CFLAR: variants seen among roughly 807,000 people sequenced by gnomAD.
The protein encoded by CFLAR is CASP8 and FADD-like apoptosis regulator.
A neutral mutation model predicts 51.1 loss-of-function variants in CFLAR; 14 were observed. That is an observed-to-expected ratio of 0.27 (90% CI 0.18 to 0.43). The LOEUF (loss-of-function observed/expected upper bound fraction) is 0.43, where lower values mean the gene tolerates loss of function less well. CFLAR is among the 20% of genes least tolerant of loss of function. The pLI is 1.00. For synonymous variants in CFLAR, 210 were observed against 211.6 expected (o/e 0.99, Z 0.06); for missense variants, 390 against 566.5 (o/e 0.69, Z 3.16).
intron 1 of CFLAR, among the ~76,000 whole-genome samples, chr2:201,120,897 G>GT (rs560317430): frequency 6.8e-4 from 104 of 152,282 alleles, no homozygotes; most frequent in Middle Eastern, 3.4e-3. Flanking sequence ...ATACTATCTA[G>GT]TGAGTGAACC....
At position 201,145,360 on chromosome 2, in the gene CFLAR, TA is replaced by T. The variant is rs1467654681; in HGVS notation, c.607-17del. On this transcript the variant is annotated splice_polypyrimidine_tract_variant and intron_variant, in intron 5 of 9. Transcript: ENST00000309955. ...AAATAACTAACAGGAAGTATGACCT[TA>T]TTCTTTGTATTTGAAGCTCCATAAT... 1 of 1,532,742 alleles carries T rather than the reference TA, an allele frequency of 6.5e-7. No homozygotes were observed. Among genetic ancestry groups the T allele is most frequent in the African/African-American group, 1.4e-5 (1 of 72,904 alleles). 94.9% of individuals were successfully genotyped at this position (1,532,742 alleles called of 1,614,324 possible).
intron 6 of CFLAR, chr2:201,146,761 C>G (rs1940273615): frequency 6.6e-6 from 1 of 152,232 alleles, no homozygotes; most frequent in African/African-American, 2.4e-5. Context: ...GGTGGGACAT[C>G]ATGAATGTTT....
intron 1 of CFLAR, among the ~76,000 whole-genome samples, chr2:201,126,028 G>A (rs554732953): frequency 6.6e-6 from 1 of 151,644 alleles, no homozygotes. Flanking sequence ...TGTAGCATGC[G>A]CTGTCTGATT....
In CFLAR at chr2:201,135,965, C is replaced by G; in HGVS notation, c.388-7C>G. On this transcript the variant is annotated splice_region_variant and splice_polypyrimidine_tract_variant and intron_variant, in intron 3 of 9. Transcript: ENST00000309955. ...TGACATTTGTTTTTTGTTGGTGGTT[C>G]TCTTAGAGTTTCTTGGACCTTGTGG... The G allele has an allele frequency of 6.2e-7, 1 of 1,604,854 alleles. No individual in the cohort carries two copies. Among genetic ancestry groups the G allele is most frequent in the Non-Finnish European group, 8.5e-7 (1 of 1,177,022 alleles).
intron 5 of CFLAR, chr2:201,144,057 A>G (rs1939593680): frequency 6.6e-6 from 1 of 152,358 alleles, no homozygotes; most frequent in East Asian, 1.9e-4. Flanking sequence ...AAGCGAATAC[A>G]CATGCATGCG....
At chr2:201,144,762 A>G (rs763960284) in intron 5 of CFLAR, among the ~76,000 whole-genome samples, 44 of 152,216 alleles carry the variant, frequency 2.9e-4, no homozygotes, top group Admixed American at 5.9e-4. Flanking sequence ...GAGCTATGCT[A>G]GCAACTATAC....
At chr2:201,154,432 C>T (rs1313423922) in intron 8 of CFLAR, 1 of 153,332 alleles carries the variant, frequency 6.5e-6, no homozygotes, top group African/African-American at 2.4e-5. Context: ...CAGTGAACTA[C>T]ACTCCTACCT....
chr2:201,150,724 A>G (rs1306494487), intron 8 of CFLAR, among the ~76,000 whole-genome samples: 2 of 152,174 alleles, frequency 1.3e-5, no homozygotes, highest in African/African-American at 4.8e-5. Context: ...TTTAGGGACC[A>G]GGCCTAAAAG....
rs552355901 is a variant in CFLAR, at chr2:201,116,996, G to A, written c.-138+515G>A. On this transcript the variant is annotated intron_variant, in intron 1 of 9. Coordinates refer to ENST00000309955, the MANE Select transcript of CFLAR (RefSeq NM_003879.7). The surrounding 1 kb of genome is among the most constrained non-coding windows in gnomAD (Gnocchi z 4.8). The stretch of plus-strand genomic sequence containing the variant: ...AACTTTGCTTAAAATGATCTTGAGA[G>A]TTCAATTCTTGGGGTGAACTGTTGA... 1.3e-5 allele frequency: 2 copies of A among 152,334 alleles called. No individual in the cohort carries two copies. The highest frequency in any genetic ancestry group is 4.1e-4 in the South Asian group (2 of 4,822). The allele number at this position is 152,334 out of a possible 1,614,324, so 9.4% of individuals were successfully genotyped here.
intron 4 of CFLAR, chr2:201,140,146 C>T: frequency 9.1e-6 from 3 of 329,908 alleles, no homozygotes; most frequent in Non-Finnish European, 1.1e-5. Flanking sequence ...GCGGGGGCTG[C>T]GGCAGCGGCG....
chr2:201,140,674 A>G, intron 5 of CFLAR: 1 of 401,180 alleles, frequency 2.5e-6, no homozygotes, highest in Non-Finnish European at 4.4e-6. Context: ...ATATTCCACT[A>G]TCCAAAGACA....
intron 6 of CFLAR, 42 bp downstream of exon 6, chr2:201,145,474 T>A: frequency 1.6e-6 from 2 of 1,244,998 alleles, no homozygotes; most frequent in Non-Finnish European, 2.4e-6. Flanking sequence ...TATAAATGCT[T>A]GATAATTCTA....
rs574906339 is a variant in CFLAR at position 201,152,429 on chromosome 2, T to C, written c.793+2594T>C. 2.0e-3 allele frequency among the ~76,000 whole-genome samples: 312 copies of C among 152,308 alleles called. 2 individuals are homozygous for C. Among genetic ancestry groups the C allele is most frequent in the African/African-American group, 7.2e-3 (299 of 41,556 alleles). ...TACCTCATAGGGAGGTTGGGCAGAA[T>C]GAGAGTTCATACTTGGAAAGGGCTT... On this transcript the variant is annotated intron_variant, in intron 8 of 9. Coordinates refer to ENST00000309955, the MANE Select transcript of CFLAR (RefSeq NM_003879.7).
At chr2:201,141,650 T>C in intron 5 of CFLAR, 2 of 1,275,022 alleles carry the variant, frequency 1.6e-6, no homozygotes, top group Non-Finnish European at 2.0e-6. Context: ...GCAAAAGTTA[T>C]TTTGTTATTG....
chr2:201,149,874 T>A, intron 8 of CFLAR, 39 bp downstream of exon 8: 1 of 1,475,168 alleles, frequency 6.8e-7, no homozygotes, highest in South Asian at 1.1e-5. Flanking sequence ...TGCCCCCAGA[T>A]TGAGATCATG....
chr2:201,155,039 A>G (rs1247688622), intron 8 of CFLAR, among the ~76,000 whole-genome samples: 1 of 152,216 alleles, frequency 6.6e-6, no homozygotes, highest in Non-Finnish European at 1.5e-5. Flanking sequence ...TAGAATTGAA[A>G]AATAAGTCTT....
At chr2:201,145,978 T>C (rs1374355336) in intron 6 of CFLAR, among the ~76,000 whole-genome samples, 2 of 152,078 alleles carry the variant, frequency 1.3e-5, no homozygotes, top group East Asian at 3.8e-4. Flanking sequence ...ACTCTTTTTT[T>C]TTTTTGGAGA....
At position 201,175,913 on chromosome 2, in the gene CFLAR, G is replaced by T. The variant is rs1194486429; in HGVS notation, c.*11940G>T. On this transcript the variant is annotated 3_prime_UTR_variant, in exon 10 of 10. Transcript: ENST00000309955. ...GAGGTCAGTAGTTCGAGACCAGCCT[G>T]GCCATCATGATGATGAAACCTCGTC... The T allele has an allele frequency of 6.6e-6, 1 of 152,142 alleles. No homozygotes were observed. The highest frequency in any genetic ancestry group is 6.6e-5 in the Admixed American group (1 of 15,266). The allele number at this position is 152,142 out of a possible 1,614,324, so 9.4% of individuals were successfully genotyped here. A position where few individuals can be genotyped will look rare whatever the true frequency, so the allele number is the denominator to read the frequency against.
chr2:201,138,176 TG>T lies in CFLAR; in HGVS notation c.523+2073del. ...CACGTTCCCCCCAATCACCTGGAGG[TG>T]GGGTTACTTTTGTTTGATGTAATGC... is the stretch of plus-strand genomic sequence containing the variant. On this transcript the variant is annotated intron_variant, in intron 4 of 9. Transcript: ENST00000309955. This position sits in a 1 kb window ranked among gnomAD's most constrained non-coding sequence, Gnocchi z 4.0. 1.1e-6 allele frequency: 1 copy of T among 935,984 alleles called. No homozygotes were observed. The highest frequency in any genetic ancestry group is 1.8e-6 in the Non-Finnish European group (1 of 566,988). The allele number at this position is 935,984 out of a possible 1,614,324, so 58.0% of individuals were successfully genotyped here.
Sources: gnomAD v4.1 joint callset for allele counts (sites outside exome capture counted in the v4.1 genomes callset) on GRCh38, gnomAD v4.1.1 for gene constraint, Gnocchi (gnomAD v3.1) non-coding constraint, MANE v1.5 for transcripts, NCBI Gene and HGNC (gene_info 2026-07-23, HGNC 2026-07-21) for gene names.